CSMD1: variants seen among roughly 807,000 people sequenced by gnomAD.
CSMD1 encodes the protein CUB and Sushi multiple domains 1, also known as CUB and sushi domain-containing protein 1.
Under a neutral mutation model 417.5 loss-of-function variants are expected in CSMD1, and 213 were observed. The observed-to-expected ratio is 0.51, with a 90% CI of 0.46 to 0.57. The LOEUF (loss-of-function observed/expected upper bound fraction) is 0.57. Ranked by LOEUF, CSMD1 falls within the 20% of genes least tolerant of loss-of-function variation. The pLI, the probability that CSMD1 is intolerant of heterozygous loss-of-function variation, is 0.00. For synonymous variants in CSMD1, 2,862 were observed against 1,736.8 expected, an observed-to-expected ratio of 1.65 and a Z score of -16.11; for missense variants, 6,923 against 4,529.7, an observed-to-expected ratio of 1.53 and a Z score of -15.17.
intron 3 of CSMD1, among the ~76,000 whole-genome samples, chr8:4,284,177 G>T (rs1446312201): frequency 6.6e-6 from 1 of 152,136 alleles, no homozygotes; most frequent in Non-Finnish European, 1.5e-5. Context: ...AGACTAGGCT[G>T]GCCAACATGG....
intron 11 of CSMD1, among the ~76,000 whole-genome samples, chr8:3,485,630 C>T (rs1354831629): frequency 1.3e-5 from 2 of 151,688 alleles, no homozygotes; most frequent in Non-Finnish European, 2.9e-5. Flanking sequence ...TGTGGTGGCG[C>T]ATGCTGGTTA....
At chr8:4,353,349 T>C (rs1801209041) in intron 3 of CSMD1, among the ~76,000 whole-genome samples, 2 of 152,110 alleles carry the variant, frequency 1.3e-5, no homozygotes, top group African/African-American at 4.8e-5. Context: ...TGCTCCTCCT[T>C]TGCCTTCCAC....
chr8:4,791,059 G>GGAGAGAGACAGT (rs1563394344), intron 1 of CSMD1, among the ~76,000 whole-genome samples: 3 of 143,704 alleles, frequency 2.1e-5, no homozygotes, highest in Admixed American at 1.3e-4. Context: ...AAGCTAGTAG[G>GGAGAGAGACAGT]GAGAGAGACG....
chr8:3,555,853 A>T (rs1334328317), intron 10 of CSMD1, among the ~76,000 whole-genome samples: 2 of 152,154 alleles, frequency 1.3e-5, no homozygotes, highest in East Asian at 3.9e-4. Flanking sequence ...TATGAAATAT[A>T]CATAGTGGAG....
chr8:3,242,129 G>A (rs188602400), intron 26 of CSMD1, among the ~76,000 whole-genome samples: 11 of 151,658 alleles, frequency 7.3e-5, no homozygotes, highest in African/African-American at 2.4e-4. Flanking sequence ...TATGCCTTTA[G>A]CTCCAGCCAC....
At chr8:4,465,278 C>G (rs1433507482) in intron 2 of CSMD1, among the ~76,000 whole-genome samples, 1 of 151,944 alleles carries the variant, frequency 6.6e-6, no homozygotes, top group Admixed American at 6.6e-5. Context: ...TGCCTGTGAC[C>G]CAGGTGCTAA....
chr8:4,143,974 G>A (rs914438367), intron 3 of CSMD1, among the ~76,000 whole-genome samples: 3 of 151,372 alleles, frequency 2.0e-5, no homozygotes, highest in African/African-American at 2.5e-5. Flanking sequence ...GCCAATCCAA[G>A]GCACTCTCCC....
intron 10 of CSMD1, among the ~76,000 whole-genome samples, chr8:3,559,544 A>AAT (rs1295645613): frequency 7.2e-5 from 11 of 152,196 alleles, no homozygotes; most frequent in Non-Finnish European, 1.5e-4. Context: ...AAGATGATAA[A>AAT]GGAAAAGAAT....
At chr8:4,025,618 T>C (rs549978461) in intron 4 of CSMD1, among the ~76,000 whole-genome samples, 78 of 152,256 alleles carry the variant, frequency 5.1e-4, no homozygotes, top group African/African-American at 1.8e-3. Flanking sequence ...TGGCAGAACA[T>C]GCCAATAATA....
intron 10 of CSMD1, among the ~76,000 whole-genome samples, chr8:3,503,256 C>T (rs1499697): frequency 0.7 from 106,920 of 152,110 alleles, 37,865 homozygotes; most frequent in African/African-American, 0.78. Context: ...CTTGCTTTAT[C>T]TGAGATGTTT....
At chr8:4,206,079 A>G (rs1351328773) in intron 3 of CSMD1, among the ~76,000 whole-genome samples, 2 of 152,138 alleles carry the variant, frequency 1.3e-5, no homozygotes, top group Non-Finnish European at 2.9e-5. Flanking sequence ...AATTCAAAGG[A>G]CAGAAAGTGA....
chr8:3,738,652 A>G lies in CSMD1; in HGVS notation c.931+15278T>C, dbSNP rs889521982. On this transcript the variant is annotated intron_variant, in intron 6 of 69. Transcript: ENST00000635120. ...GACCAAGAGAAGACATGCCTTAGAC[A>G]GGGCTTAGATAACAGATAAGTCTTT... Among the ~76,000 whole-genome samples the G allele has an allele frequency of 2.0e-5, 3 of 152,306 alleles. No homozygotes were observed. In the South Asian group the frequency reaches 6.2e-4, roughly 32 times the overall value.
intron 5 of CSMD1, among the ~76,000 whole-genome samples, chr8:3,788,621 T>C (rs17327523): frequency 1.3e-5 from 2 of 152,210 alleles, no homozygotes; most frequent in Admixed American, 6.5e-5. Flanking sequence ...ATTTAGTTCA[T>C]CTACATTTTA....
At chr8:4,370,970 G>C (rs964095853) in intron 3 of CSMD1, among the ~76,000 whole-genome samples, 5 of 152,204 alleles carry the variant, frequency 3.3e-5, no homozygotes, top group Admixed American at 2.6e-4. Context: ...GCGAGCTAGT[G>C]TGATTGTTTG....
rs73658419 is a variant in CSMD1, at chr8:4,169,469, C to G, written c.416-137370G>C. On this transcript the variant is annotated intron_variant, in intron 3 of 69. Coordinates refer to ENST00000635120, the MANE Select transcript of CSMD1 (RefSeq NM_033225.6). ...TAGTTTTCTTCAACATATCCCAAAT[C>G]TGACTCAATTCTGACCACCTCTACT... Among the ~76,000 whole-genome samples the G allele has an allele frequency of 7.8e-3, 1,191 of 152,276 alleles. 20 individuals are homozygous for G. The highest frequency in any genetic ancestry group is 0.028 in the African/African-American group (1,153 of 41,530).
At chr8:4,875,308 GAT>G (rs921704549) in intron 1 of CSMD1, among the ~76,000 whole-genome samples, 18 of 152,028 alleles carry the variant, frequency 1.2e-4, no homozygotes. Flanking sequence ...TCGAAAATAT[GAT>G]ATGACCTTGT....
chr8:3,298,246 A>G (rs1452472493), intron 25 of CSMD1, among the ~76,000 whole-genome samples: 2 of 152,200 alleles, frequency 1.3e-5, no homozygotes, highest in Non-Finnish European at 2.9e-5. Context: ...ATACCCATGG[A>G]AAAAGCATAC....
At chr8:3,069,647 A>G (rs1813191738) in intron 49 of CSMD1, among the ~76,000 whole-genome samples, 1 of 152,140 alleles carries the variant, frequency 6.6e-6, no homozygotes, top group Non-Finnish European at 1.5e-5. Context: ...GGCTGATCTC[A>G]GCAGCTGGAG....
chr8:3,775,139 G>A (rs1179900321), intron 5 of CSMD1, among the ~76,000 whole-genome samples: 3 of 152,188 alleles, frequency 2.0e-5, no homozygotes, highest in African/African-American at 7.2e-5. Context: ...AACTGAAACT[G>A]CAGATAAGGA....
Sources: gnomAD v4.1 joint callset for allele counts (sites outside exome capture counted in the v4.1 genomes callset) on GRCh38, gnomAD v4.1.1 for gene constraint, MANE v1.5 for transcripts, NCBI Gene and HGNC (gene_info 2026-07-23, HGNC 2026-07-21) for gene names.